The following CEP164 variants were observed in gnomAD, a reference collection of about 807,000 sequenced individuals.
CEP164 encodes the protein centrosomal protein of 164 kDa.
Under a neutral mutation model 182.7 loss-of-function variants are expected in CEP164, and 162 were observed. That is an observed-to-expected ratio of 0.89 (90% CI 0.78 to 1.01). The LOEUF is 1.01. Ranked by LOEUF, CEP164 falls within the 50% of genes least tolerant of loss-of-function variation. The probability of loss-of-function intolerance (pLI) is 0.00; values close to 1 mark genes in which losing one functional copy is unlikely to be tolerated. For synonymous variants in CEP164, 661 were observed against 690.0 expected, an observed-to-expected ratio of 0.96 and a Z score of 0.66; for missense variants, 1,735 against 1,790.4, an observed-to-expected ratio of 0.97 and a Z score of 0.56.
Position 117,397,118 on chromosome 11 carries a change from CCT to C in CEP164, c.3311_3312del (p.Ser1104CysfsTer2). On this transcript the variant is annotated frameshift_variant, in exon 27 of 33. Transcript: ENST00000278935. LOFTEE classifies it high-confidence loss of function. Reference protein sequence around the residue: ...SLSSHNVWHLLSAEGVALRSA... With the variant: ...SLSSHNVWHLXSAEGVALRSA... ...TGTCCTCCCACAATGTCTGGCACCT[CCT>C]CTCTGCTGAGGGGGTAGCCCTCCGT... 6.2e-7 allele frequency: 1 copy of C among 1,614,164 alleles called. No individual in the cohort carries two copies. The highest frequency in any genetic ancestry group is 8.5e-7 in the Non-Finnish European group (1 of 1,180,002).
Position 117,411,578 on chromosome 11 carries a change from C to G in CEP164, c.4164-217C>G. The stretch of plus-strand genomic sequence containing the variant: ...GCCCAGAGCCTTGTATCAGTAGCAC[C>G]CAGCAAGGGGGCAGAGGGCCTCCAC... On this transcript the variant is annotated intron_variant, in intron 31 of 32. Coordinates refer to ENST00000278935, the MANE Select transcript of CEP164 (RefSeq NM_014956.5). This position sits in a 1 kb window ranked among gnomAD's most constrained non-coding sequence, Gnocchi z 4.4. 1.8e-6 allele frequency: 1 copy of G among 542,118 alleles called. No individual in the cohort carries two copies. The highest frequency in any genetic ancestry group is 3.2e-6 in the Non-Finnish European group (1 of 313,312). 33.6% of individuals were successfully genotyped at this position (542,118 alleles called of 1,614,324 possible).
At chr11:117,340,466 A>C (rs1466404192) in intron 3 of CEP164, among the ~76,000 whole-genome samples, 1 of 152,228 alleles carries the variant, frequency 6.6e-6, no homozygotes, top group East Asian at 1.9e-4. Flanking sequence ...CAATTCTTGC[A>C]TCTCTAGGAA....
At chr11:117,324,747 A>T (rs550794115), upstream of CEP164, among the ~76,000 whole-genome samples, 32 of 152,272 alleles carry the variant, frequency 2.1e-4, no homozygotes, top group African/African-American at 7.7e-4. Context: ...CATGCCTGTA[A>T]TCCCAGCACT....
At chr11:117,375,291 C>T (rs140109349) in intron 10 of CEP164, among the ~76,000 whole-genome samples, 16 of 152,332 alleles carry the variant, frequency 1.1e-4, no homozygotes, top group Admixed American at 8.5e-4. Flanking sequence ...ATCTGACCCC[C>T]AGGCCCCTTG....
intron 5 of CEP164, chr11:117,355,737 C>G: frequency 8.7e-7 from 1 of 1,147,302 alleles, no homozygotes; most frequent in Admixed American, 3.8e-5. Flanking sequence ...GAACAGGTCT[C>G]CAAGCTTGTC....
chr11:117,327,293 A>G (rs1043106379), upstream of CEP164, among the ~76,000 whole-genome samples: 1 of 152,180 alleles, frequency 6.6e-6, no homozygotes, highest in Non-Finnish European at 1.5e-5. Context: ...TGTTGATTAA[A>G]GTAACAATGG....
chr11:117,375,876 A>T, intron 11 of CEP164, 85 bp downstream of exon 11: 1 of 1,182,418 alleles, frequency 8.5e-7, no homozygotes, highest in Admixed American at 1.8e-5. Flanking sequence ...AGCCCTGCCC[A>T]TCACAGGGTG....
intron 2 of CEP164, chr11:117,336,374 C>T: frequency 7.1e-7 from 1 of 1,411,076 alleles, no homozygotes; most frequent in South Asian, 1.2e-5. Flanking sequence ...GGAGGGATTC[C>T]AGGGGCAGGC....
At position 117,409,046 on chromosome 11, in the gene CEP164, G is replaced by A. The variant is rs1184201367; in HGVS notation, c.3748+18G>A. 10 of 1,613,634 alleles carry A rather than the reference G, an allele frequency of 6.2e-6. No individual in the cohort carries two copies. The highest frequency in any genetic ancestry group is 2.2e-5 in the South Asian group (2 of 91,052). Reference sequence around the variant, plus strand: ...GCAGAGGAGTGAGTGGGGGAGATGCGGGGTGAGGACCATGGTATCCATGGA... The same window carrying A: ...GCAGAGGAGTGAGTGGGGGAGATGCAGGGTGAGGACCATGGTATCCATGGA... On this transcript the variant is annotated intron_variant, in intron 29 of 32. Transcript: ENST00000278935. The surrounding 1 kb of genome is among the most constrained non-coding windows in gnomAD (Gnocchi z 4.4).
chr11:117,381,964 G>T, intron 13 of CEP164, 96 bp downstream of exon 13: 1 of 1,177,988 alleles, frequency 8.5e-7, no homozygotes, highest in Non-Finnish European at 1.1e-6. Context: ...GATGGGGGTG[G>T]GGTTGGCTTG....
chr11:117,407,386 T>G (rs1294014243), intron 27 of CEP164, among the ~76,000 whole-genome samples: 1 of 131,872 alleles, frequency 7.6e-6, no homozygotes, highest in Non-Finnish European at 1.5e-5. Context: ...CCCAGTGCTT[T>G]GGGAGGCTGA....
chr11:117,338,443 C>A (rs2037548461), intron 2 of CEP164, 123 bp from the exon 3 acceptor site: 1 of 691,294 alleles, frequency 1.4e-6, no homozygotes, highest in Non-Finnish European at 2.5e-6. Flanking sequence ...CCTGGGAAGG[C>A]CCTGGCCAAA....
At position 117,371,216 on chromosome 11, in the gene CEP164, G is replaced by A. The variant is rs769627423; in HGVS notation, c.902G>A (p.Arg301Gln). 21 of 1,614,216 alleles carry A rather than the reference G, an allele frequency of 1.3e-5. No homozygotes were observed. Among genetic ancestry groups the A allele is most frequent in the East Asian group, 6.7e-5 (3 of 44,888 alleles). Reference sequence around the variant, plus strand: ...CTGAGCAGTGCTGTTGGCAAAGGGCGACAGGGAAGTGGAGCAAGACCTGGT... The same window carrying A: ...CTGAGCAGTGCTGTTGGCAAAGGGCAACAGGGAAGTGGAGCAAGACCTGGT... ...SSLSSAVGKG[R>Q]QGSGARPGLP... Residue 301 changes from arginine (R) to glutamine (Q), a missense_variant, in exon 9 of 33, where the codon CGA (arginine) becomes CAA (glutamine). By Grantham distance (43) the Arg-to-Gln change is conservative. Transcript: ENST00000278935.
chr11:117,410,263 T>A, intron 30 of CEP164: 1 of 543,980 alleles, frequency 1.8e-6, no homozygotes, highest in Non-Finnish European at 3.3e-6. Flanking sequence ...CAGTAGAACC[T>A]AAAAGGTCAT....
In CEP164 at chr11:117,396,001, T is replaced by TC. The variant is rs112036173; in HGVS notation, c.3090-46dup. 319 of 1,606,750 alleles carry TC rather than the reference T, an allele frequency of 2.0e-4. 3 individuals are homozygous for TC. The African/African-American group carries it at 2.8e-3, about 14-fold the overall frequency. On this transcript the variant is annotated intron_variant, in intron 24 of 32. Coordinates refer to ENST00000278935, the MANE Select transcript of CEP164 (RefSeq NM_014956.5). ...AGATGGTTCTGACCCACTTCACCCC[T>TC]CCCCCCCATCGCCAGCCGCTGCCCT...
At chr11:117,374,806 G>A (rs180733120) in intron 10 of CEP164, among the ~76,000 whole-genome samples, 3 of 152,366 alleles carry the variant, frequency 2.0e-5, no homozygotes, top group African/African-American at 2.4e-5. Flanking sequence ...GAAGTAGATG[G>A]AGGAGGCTGT....
chr11:117,331,648 A>G (rs930736216), intron 1 of CEP164, among the ~76,000 whole-genome samples: 8 of 152,064 alleles, frequency 5.3e-5, no homozygotes, highest in African/African-American at 9.7e-5. Context: ...TTTGACCACT[A>G]TGCCGCCTGT....
chr11:117,354,129 C>A lies in CEP164; in HGVS notation c.393+2141C>A, dbSNP rs1011195239. ...CCCCCTGGGTTCAAGCAATTCTCGT[C>A]CCTCAGCCTTCCGAGGAGCAGGGAC... On this transcript the variant is annotated intron_variant, in intron 5 of 32. Coordinates refer to ENST00000278935, the MANE Select transcript of CEP164 (RefSeq NM_014956.5). Among the ~76,000 whole-genome samples the A allele has an allele frequency of 5.9e-5, 9 of 151,898 alleles. No homozygotes were observed. In the South Asian group the frequency reaches 1.7e-3, roughly 28 times the overall value.
chr11:117,337,176 G>T (rs1347389701), intron 2 of CEP164, among the ~76,000 whole-genome samples: 1 of 152,060 alleles, frequency 6.6e-6, no homozygotes, highest in Non-Finnish European at 1.5e-5. Flanking sequence ...AAGCTAGAAG[G>T]CCCATATCAA....
Sources: gnomAD v4.1 joint callset for allele counts (sites outside exome capture counted in the v4.1 genomes callset) on GRCh38, gnomAD v4.1.1 for gene constraint, Gnocchi (gnomAD v3.1) non-coding constraint, MANE v1.5 for transcripts, NCBI Gene and HGNC (gene_info 2026-07-23, HGNC 2026-07-21) for gene names.